Variants in OXR1 observed in about 807,000 individuals in gnomAD.
OXR1 encodes oxidation resistance protein 1.
A neutral mutation model predicts 104.6 loss-of-function variants in OXR1; 41 were observed. The observed-to-expected ratio is 0.39, with a 90% CI of 0.31 to 0.51. The LOEUF is 0.51. OXR1 is among the 20% of genes least tolerant of loss of function. OXR1 has a pLI of 0.77. For synonymous variants in OXR1, 348 were observed against 348.4 expected (o/e 1.00, Z 0.01); for missense variants, 955 against 1,031.9 (o/e 0.93, Z 1.02).
intron 1 of OXR1, among the ~76,000 whole-genome samples, chr8:106,347,628 G>A (rs556988374): frequency 6.6e-6 from 1 of 152,240 alleles, no homozygotes; most frequent in African/African-American, 2.4e-5. Context: ...TTGTTCTTGA[G>A]GAATTAGTAA....
In OXR1 at chr8:106,692,018, C is replaced by CAT. The variant is rs550671132; in HGVS notation, c.526-700_526-699dup. On this transcript the variant is annotated intron_variant, in intron 6 of 16. Coordinates refer to ENST00000517566, the MANE Select transcript of OXR1 (RefSeq NM_001198533.2). ...ACACACACACACATATATATATACACATATATATATAACTATACCTCTAGT... is the reference window on the plus strand; with the variant it reads ...ACACACACACACATATATATATACACATATATATATATAACTATACCTCTAGT... 2.3e-3 allele frequency among the ~76,000 whole-genome samples: 347 copies of CAT among 149,922 alleles called. 1 individual carries two copies. The highest frequency in any genetic ancestry group is 7.8e-3 in the African/African-American group (317 of 40,842).
At position 106,401,567 on chromosome 8, in the gene OXR1, G is replaced by T. The variant is rs117944328; in HGVS notation, c.23+41931G>T. The stretch of plus-strand genomic sequence containing the variant: ...CTGACAAAGGCCTGGCAGCTTTTTC[G>T]GTCACTCAGTAGATTAGTTGGAGTA... On this transcript the variant is annotated intron_variant, in intron 2 of 16. Transcript: ENST00000517566. 3.7e-4 allele frequency among the ~76,000 whole-genome samples: 57 copies of T among 152,142 alleles called. 1 individual carries two copies. The South Asian group carries it at 0.01, about 28-fold the overall frequency.
intron 2 of OXR1, among the ~76,000 whole-genome samples, chr8:106,451,987 C>T (rs1453059719): frequency 1.3e-5 from 2 of 152,094 alleles, no homozygotes; most frequent in African/African-American, 2.4e-5. Context: ...ATTTGGGGAG[C>T]GGGAGCATAT....
chr8:106,508,590 G>A (rs989560638), intron 2 of OXR1, among the ~76,000 whole-genome samples: 2 of 152,136 alleles, frequency 1.3e-5, no homozygotes, highest in Non-Finnish European at 2.9e-5. Flanking sequence ...TAATGCAATC[G>A]TACATTTTTA....
chr8:106,404,195 C>T (rs1197609465), intron 2 of OXR1, among the ~76,000 whole-genome samples: 1 of 152,066 alleles, frequency 6.6e-6, no homozygotes, highest in Non-Finnish European at 1.5e-5. Flanking sequence ...AGTAAGGAAG[C>T]CACTTCTGCT....
intron 11 of OXR1, among the ~76,000 whole-genome samples, chr8:106,715,329 A>T (rs1832127054): frequency 6.6e-6 from 1 of 151,174 alleles, no homozygotes; most frequent in Non-Finnish European, 1.5e-5. Context: ...AGGGAACTTT[A>T]TTGCGTTCTG....
chr8:106,701,920 A>G (rs1056067148), intron 7 of OXR1, among the ~76,000 whole-genome samples: 2 of 152,356 alleles, frequency 1.3e-5, no homozygotes, highest in Non-Finnish European at 2.9e-5. Context: ...TTGCTCATTT[A>G]TAAAGTAAGA....
intron 3 of OXR1, among the ~76,000 whole-genome samples, chr8:106,567,787 C>A (rs941016119): frequency 2.0e-5 from 3 of 152,076 alleles, no homozygotes; most frequent in African/African-American, 7.2e-5. Flanking sequence ...CTCTCCATTC[C>A]AGTTTGTTAA....
chr8:106,442,475 G>A (rs1819826903), intron 2 of OXR1, among the ~76,000 whole-genome samples: 2 of 152,124 alleles, frequency 1.3e-5, no homozygotes, highest in African/African-American at 4.8e-5. Context: ...GTTTGGAATA[G>A]TTTCAGAAGG....
At chr8:106,743,689 G>A (rs947017403) in intron 15 of OXR1, among the ~76,000 whole-genome samples, 24 of 152,270 alleles carry the variant, frequency 1.6e-4, no homozygotes, top group Admixed American at 1.2e-3. Context: ...AGACAGTGTG[G>A]CAATTCCTCA....
chr8:106,690,214 A>G (rs1002281967), intron 6 of OXR1, among the ~76,000 whole-genome samples: 1 of 150,720 alleles, frequency 6.6e-6, no homozygotes, highest in African/African-American at 2.4e-5. Context: ...TATATATTAA[A>G]TGTAAGCTTA....
intron 3 of OXR1, among the ~76,000 whole-genome samples, chr8:106,617,072 T>G (rs770207169): frequency 6.6e-6 from 1 of 152,248 alleles, no homozygotes; most frequent in Non-Finnish European, 1.5e-5. Flanking sequence ...ACATAAACAG[T>G]AAGTCAGAAG....
intron 3 of OXR1, among the ~76,000 whole-genome samples, chr8:106,644,524 G>A (rs1340390199): frequency 1.3e-5 from 2 of 152,076 alleles, no homozygotes; most frequent in African/African-American, 4.8e-5. Flanking sequence ...TTGGGAGCAG[G>A]GGCTCTGATC....
intron 2 of OXR1, among the ~76,000 whole-genome samples, chr8:106,500,860 C>A (rs1034560179): frequency 2.6e-5 from 4 of 152,136 alleles, no homozygotes; most frequent in African/African-American, 9.7e-5. Context: ...AATCAGTGAA[C>A]AAAGCAGGCA....
At chr8:106,635,240 A>G (rs886543047) in intron 3 of OXR1, among the ~76,000 whole-genome samples, 14 of 152,214 alleles carry the variant, frequency 9.2e-5, no homozygotes. Context: ...AGTGAAGTGT[A>G]TATGTCTAGA....
chr8:106,553,320 CT>C (rs5893797), intron 3 of OXR1, among the ~76,000 whole-genome samples: 100,888 of 142,840 alleles, frequency 0.71, 35,571 homozygotes, highest in Admixed American at 0.77. Flanking sequence ...CAATTTTCTT[CT>C]TTTTTTTTTT....
At chr8:106,688,317 A>G (rs985262490) in intron 6 of OXR1, among the ~76,000 whole-genome samples, 1 of 152,144 alleles carries the variant, frequency 6.6e-6, no homozygotes, top group Non-Finnish European at 1.5e-5. Context: ...TATTCTCTTT[A>G]AGATAAAACA....
At chr8:106,697,309 C>T (rs569564784) in intron 7 of OXR1, 11 of 827,734 alleles carry the variant, frequency 1.3e-5, no homozygotes, top group Non-Finnish European at 1.9e-5. Context: ...ACCCCTCACC[C>T]TGACAGAAGG....
chr8:106,425,607 A>G (rs1334608177), intron 2 of OXR1, among the ~76,000 whole-genome samples: 9 of 152,168 alleles, frequency 5.9e-5, no homozygotes, highest in African/African-American at 9.7e-5. Context: ...CTGCAGTACC[A>G]TGGTTATGTG....
Sources: allele counts gnomAD v4.1 joint callset (sites outside exome capture counted in the v4.1 genomes callset), GRCh38; gene constraint gnomAD v4.1.1; transcripts MANE v1.5; gene names NCBI Gene and HGNC (gene_info 2026-07-23, HGNC 2026-07-21).